ADGRE1: variants seen among roughly 807,000 people sequenced by gnomAD.
ADGRE1 encodes the protein adhesion G protein-coupled receptor E1.
ADGRE1 carries 82 observed loss-of-function variants against 102.7 expected under a neutral mutation model. That is an observed-to-expected ratio of 0.80 (90% confidence interval 0.67 to 0.96). ADGRE1 has a LOEUF of 0.96. Among genes scored for constraint, ADGRE1 ranks in the 40% least tolerant of loss-of-function variants. The pLI is 0.00. For synonymous variants in ADGRE1, 398 were observed against 399.6 expected (o/e 1.00, Z 0.05); for missense variants, 1,032 against 1,085.3 (o/e 0.95, Z 0.69).
In ADGRE1 at chr19:6,906,533, T is replaced by G; in HGVS notation, c.1038+12T>G. On this transcript the variant is annotated intron_variant, in intron 9 of 20. Coordinates refer to ENST00000312053, the MANE Select transcript of ADGRE1 (RefSeq NM_001974.5). ...TGAAACCTGCATATGCAAGTATTTT[T>G]TAAGGTTCCTAGTTTTTGAGGTTTT... 1 of 1,610,290 alleles carries G rather than the reference T, an allele frequency of 6.2e-7. No homozygotes were observed. The highest frequency in any genetic ancestry group is 8.5e-7 in the Non-Finnish European group (1 of 1,177,926).
chr19:6,923,653 C>A (rs935963303), intron 14 of ADGRE1, among the ~76,000 whole-genome samples: 2 of 152,086 alleles, frequency 1.3e-5, no homozygotes, highest in African/African-American at 4.8e-5. Context: ...GCCTCAGCCT[C>A]CCATGTAGCT....
At chr19:6,930,445 T>A (rs184367497) in intron 17 of ADGRE1, among the ~76,000 whole-genome samples, 19 of 152,096 alleles carry the variant, frequency 1.2e-4, no homozygotes, top group East Asian at 5.8e-4. Context: ...AATTTTTTTT[T>A]ATTTTTAATT....
Position 6,887,623 on chromosome 19 carries a change from C to T in ADGRE1, c.15C>T (p.Asn5=). 1 of 1,612,622 alleles carries T rather than the reference C, an allele frequency of 6.2e-7. No homozygotes were observed. The highest frequency in any genetic ancestry group is 8.5e-7 in the Non-Finnish European group (1 of 1,179,470). The stretch of plus-strand genomic sequence containing the variant: ...ACTACAGCATAATGCGTGGCTTCAA[C>T]CTGCTCCTCTTCTGGGGTGAGTGTG... MRGF[N]LLLFWGCCVM... The change falls in exon 1 of 21, where the codon AAC becomes AAT. Residue 5 remains asparagine (N), a synonymous_variant. Transcript: ENST00000312053.
intron 8 of ADGRE1, among the ~76,000 whole-genome samples, chr19:6,905,329 CAGAG>C (rs1784310585): frequency 6.6e-6 from 1 of 150,824 alleles, no homozygotes; most frequent in South Asian, 2.1e-4. Flanking sequence ...GCCTGGGTGA[CAGAG>C]TGAGACCCTG....
intron 14 of ADGRE1, among the ~76,000 whole-genome samples, chr19:6,922,612 TCACACACACACACACACACACACA>T (rs770150909): frequency 2.3e-4 from 28 of 123,156 alleles, no homozygotes; most frequent in African/African-American, 6.2e-4. Context: ...AGACTCTGTC[TCACACACACACACACACACACACA>T]CACACACACA....
chr19:6,889,390 C>G (rs1327736262), intron 1 of ADGRE1, among the ~76,000 whole-genome samples: 1 of 151,904 alleles, frequency 6.6e-6, no homozygotes, highest in Non-Finnish European at 1.5e-5. Context: ...GCTGCATTGC[C>G]TTTAAACACT....
chr19:6,900,615 C>A (rs574434769), intron 5 of ADGRE1, among the ~76,000 whole-genome samples: 1 of 152,318 alleles, frequency 6.6e-6, no homozygotes, highest in African/African-American at 2.4e-5. Context: ...TCCAATCCAT[C>A]CTCTACACTG....
chr19:6,937,391 C>T lies in ADGRE1; in HGVS notation c.2530C>T (p.His844Tyr), dbSNP rs750142358. 54 of 1,613,634 alleles carry T rather than the reference C, an allele frequency of 3.3e-5. No homozygotes were observed. Among genetic ancestry groups the T allele is most frequent in the Admixed American group, 8.3e-5 (5 of 59,970 alleles). ...SLQGAFIFLI[H>Y]CLLNGQVREE... ...GCAGGGGGCCTTCATCTTCCTCATC[C>T]ACTGTCTGCTCAACGGCCAGGTGTG... The change falls in exon 19 of 21, where the codon CAC becomes TAC. Residue 844 changes from histidine (H) to tyrosine (Y), a missense_variant. By Grantham distance (83) the His-to-Tyr change is moderately conservative. Coordinates refer to ENST00000312053, the MANE Select transcript of ADGRE1 (RefSeq NM_001974.5).
chr19:6,937,104 C>T, intron 18 of ADGRE1, 139 bp from the exon 19 acceptor site: 1 of 897,384 alleles, frequency 1.1e-6, no homozygotes, highest in Non-Finnish European at 1.7e-6. Context: ...AACACCTAGG[C>T]TTGGAGACCC....
At chr19:6,920,247 T>C (rs977817243) in intron 13 of ADGRE1, among the ~76,000 whole-genome samples, 3 of 151,506 alleles carry the variant, frequency 2.0e-5, no homozygotes, top group African/African-American at 7.3e-5. Context: ...TTTTTTTTAG[T>C]CTCACTCTGT....
chr19:6,935,771 T>G (rs1289727202), intron 18 of ADGRE1, among the ~76,000 whole-genome samples: 1 of 152,222 alleles, frequency 6.6e-6, no homozygotes, highest in Admixed American at 6.5e-5. Context: ...ACTGTAATGC[T>G]TTTAGAATGT....
At chr19:6,904,591 C>T (rs1466208408) in intron 8 of ADGRE1, among the ~76,000 whole-genome samples, 21 of 151,634 alleles carry the variant, frequency 1.4e-4, no homozygotes, top group Admixed American at 1.4e-3. Context: ...CTGCAAGCTC[C>T]ACCTCCCGGG....
chr19:6,937,517 A>G, intron 19 of ADGRE1, 27 bp from the exon 20 acceptor site: 1 of 1,583,038 alleles, frequency 6.3e-7, no homozygotes, highest in Non-Finnish European at 8.6e-7. Context: ...ATTTCCCTGC[A>G]TCTGGATGAT....
In ADGRE1 at chr19:6,897,507, C is replaced by A. The variant is rs370359678; in HGVS notation, c.474C>A (p.Ser158Arg). ...ACTCCATGGGAAGCTACAGTTGCAG[C>A]TGTCAAGTTGGATTCATCTCTAGAA... ...CVNSMGSYSC[S>R]CQVGFISRNS... Residue 158 changes from serine to arginine, a missense_variant, in exon 5 of 21, where the codon AGC (serine) becomes AGA (arginine). Transcript: ENST00000312053. 8 of 1,594,518 alleles carry A rather than the reference C, an allele frequency of 5.0e-6. No individual in the cohort carries two copies. The highest frequency in any genetic ancestry group is 6.8e-6 in the Non-Finnish European group (8 of 1,173,002).
At position 6,903,925 on chromosome 19, in the gene ADGRE1, C is replaced by T. The variant is rs1973857636; in HGVS notation, c.777C>T (p.Phe259=). 1 of 1,614,196 alleles carries T rather than the reference C, an allele frequency of 6.2e-7. No homozygotes were observed. The highest frequency in any genetic ancestry group is 8.5e-7 in the Non-Finnish European group (1 of 1,180,040). ...CACCAAGCAATGGACAGTTGAATTT[C>T]ACAGACCAAGGAGTGGAATGTAGAG... ...GFAPSNGQLN[F]TDQGVECRDI... is the part of the protein sequence containing the mutation. Residue 259 remains phenylalanine (F), a synonymous_variant, in exon 7 of 21, where the codon TTC becomes TTT. Transcript: ENST00000312053.
chr19:6,934,414 T>A (rs1016152997), intron 17 of ADGRE1, among the ~76,000 whole-genome samples: 3 of 123,314 alleles, frequency 2.4e-5, no homozygotes, highest in African/African-American at 4.4e-5. Flanking sequence ...ATTCTTCTTC[T>A]TCTTCTTTTT....
intron 20 of ADGRE1, among the ~76,000 whole-genome samples, chr19:6,937,854 A>G (rs1263494668): frequency 6.6e-6 from 1 of 152,086 alleles, no homozygotes; most frequent in Non-Finnish European, 1.5e-5. Context: ...CTCTATTTAA[A>G]TAAAATTTCA....
chr19:6,921,376 T>G, intron 13 of ADGRE1, among the ~76,000 whole-genome samples: 2 of 152,102 alleles, frequency 1.3e-5, no homozygotes, highest in Non-Finnish European at 2.9e-5. Context: ...GAGCCGAGAC[T>G]GCACCACTGC....
At chr19:6,914,049 A>G (rs1461642830) in intron 11 of ADGRE1, among the ~76,000 whole-genome samples, 1 of 152,260 alleles carries the variant, frequency 6.6e-6, no homozygotes, top group African/African-American at 2.4e-5. Flanking sequence ...TCATTAATTT[A>G]TTCTACAAAT....
Sources: gnomAD v4.1 joint callset for allele counts (sites outside exome capture counted in the v4.1 genomes callset) on GRCh38, gnomAD v4.1.1 for gene constraint, MANE v1.5 for transcripts, NCBI Gene and HGNC (gene_info 2026-07-23, HGNC 2026-07-21) for gene names.